Variants in DSPP observed in about 807,000 individuals in gnomAD.
DSPP encodes deafness, autosomal dominant 39.
Under a neutral mutation model 29.1 loss-of-function variants are expected in DSPP, and 28 were observed. The ratio of observed to expected loss-of-function variants is 0.96; its 90% CI spans 0.71 to 1.32. The LOEUF (loss-of-function observed/expected upper bound fraction) is 1.32. Among genes scored for constraint, DSPP ranks in the 40% most tolerant of loss-of-function variants. The pLI is 0.00. For missense variants in DSPP, 1,281 were observed against 1,629.9 expected (o/e 0.79, Z 3.69); for synonymous variants, 481 against 503.4 (o/e 0.96, Z 0.60).
rs766048949 is a variant in DSPP, at chr4:87,613,305, T to A, written c.1119T>A (p.Asp373Glu). The A allele has an allele frequency of 1.9e-6, 3 of 1,613,098 alleles. No individual in the cohort carries two copies. The highest frequency in any genetic ancestry group is 2.5e-6 in the Non-Finnish European group (3 of 1,179,984). The change falls in exon 4 of 5, where the codon GAT becomes GAA. Residue 373 changes from aspartate to glutamate, a missense_variant. Asp to Glu is a conservative substitution (Grantham distance 45, BLOSUM62 2). Coordinates refer to ENST00000651931, the MANE Select transcript of DSPP (RefSeq NM_014208.3). ...CACATGCTGTTGGGAAGAGCCAAGATAAGGTTAGTTTGTAAAGCTGATTTC... is the reference window on the plus strand; with the variant it reads ...CACATGCTGTTGGGAAGAGCCAAGAAAAGGTTAGTTTGTAAAGCTGATTTC... The part of the protein sequence containing the change: ...SETHAVGKSQ[D>E]KGIEIKGPSS...
At chr4:87,612,300 G>A (rs768766639) in intron 3 of DSPP, 22 bp from the exon 4 acceptor site, 2 of 1,613,460 alleles carry the variant, frequency 1.2e-6, no homozygotes, top group Non-Finnish European at 1.7e-6. Context: ...ACTTATAATT[G>A]ATTGAATTGT....
chr4:87,609,570 G>C (rs1553903815), intron 1 of DSPP, among the ~76,000 whole-genome samples: 1 of 152,126 alleles, frequency 6.6e-6, no homozygotes, highest in Non-Finnish European at 1.5e-5. Flanking sequence ...GCTTTCTGTT[G>C]AACAGCTATA....
In DSPP at chr4:87,614,323, G is replaced by A. The variant is rs1727806052; in HGVS notation, c.1661G>A (p.Ser554Asn). 6.2e-7 allele frequency: 1 copy of A among 1,611,946 alleles called. No individual in the cohort carries two copies. The highest frequency in any genetic ancestry group is 1.1e-5 in the South Asian group (1 of 90,794). The part of the protein sequence containing the change: ...KGKSDSSDSD[S>N]SDSSNSSDSS... ...AAATCAGATAGCAGTGACAGTGATA[G>A]TAGTGATAGCAGCAATAGCAGTGAT... Residue 554 changes from serine to asparagine, a missense_variant, in exon 5 of 5, where the codon AGT (serine) becomes AAT (asparagine). Around this residue, in one of 4 missense-constraint regions of DSPP, gnomAD observed 444 missense variants for 611.4 expected, o/e 0.73. Coordinates refer to ENST00000651931, the MANE Select transcript of DSPP (RefSeq NM_014208.3).
Position 87,612,400 on chromosome 4 carries a change from A to G in DSPP, c.214A>G (p.Thr72Ala), listed in dbSNP as rs755468936. The change falls in exon 4 of 5, where the codon ACC becomes GCC. Residue 72 changes from threonine to alanine, a missense_variant. Physicochemically the swap from Thr to Ala is moderately conservative, Grantham distance 58. Coordinates refer to ENST00000651931, the MANE Select transcript of DSPP (RefSeq NM_014208.3). Reference protein sequence around the residue: ...HEGDRGRQENTQDGHKGEGNG... With the variant: ...HEGDRGRQENAQDGHKGEGNG... ...AGGTGATAGAGGAAGGCAAGAGAAT[A>G]CCCAAGATGGTCACAAGGGAGAAGG... is the stretch of plus-strand genomic sequence containing the variant. 1 of 1,614,068 alleles carries G rather than the reference A, an allele frequency of 6.2e-7. No homozygotes were observed. Among genetic ancestry groups the G allele is most frequent in the East Asian group, 2.2e-5 (1 of 44,868 alleles).
At chr4:87,608,884 T>C (rs1467466191) in intron 1 of DSPP, among the ~76,000 whole-genome samples, 1 of 152,214 alleles carries the variant, frequency 6.6e-6, no homozygotes, top group Non-Finnish European at 1.5e-5. Context: ...ATTAACTATC[T>C]GGGCACTTTG....
rs187069861 is a variant in DSPP, at chr4:87,613,393, A to T, written c.1122+85A>T. The stretch of plus-strand genomic sequence containing the variant: ...GATGCTAGCACAAAAATAAACCATG[A>T]CAAGCATCCATGTATTTTTGTATCC... On this transcript the variant is annotated intron_variant, in intron 4 of 4. Transcript: ENST00000651931. 5.3e-4 allele frequency: 790 copies of T among 1,483,420 alleles called. 3 individuals are homozygous for T. In the African/African-American group the frequency reaches 0.01, roughly 19 times the overall value. 91.9% of individuals were successfully genotyped at this position (1,483,420 alleles called of 1,614,324 possible).
intron 2 of DSPP, among the ~76,000 whole-genome samples, 177 bp downstream of exon 2, chr4:87,611,136 C>T (rs1288503295): frequency 6.6e-6 from 1 of 150,580 alleles, no homozygotes; most frequent in Non-Finnish European, 1.5e-5. Flanking sequence ...TGAGTCTAAA[C>T]ATTTAGATTT....
chr4:87,610,529 CAATTTCAGCAG>C (rs1374031947), intron 1 of DSPP, among the ~76,000 whole-genome samples: 2 of 152,268 alleles, frequency 1.3e-5, no homozygotes, highest in African/African-American at 4.8e-5. Flanking sequence ...CTTTGAAGCA[CAATTTCAGCAG>C]AATTAGTTAG....
At position 87,614,285 on chromosome 4, in the gene DSPP, C is replaced by A; in HGVS notation, c.1623C>A (p.Asp541Glu). Residue 541 changes from aspartate (D) to glutamate (E), a missense_variant, in exon 5 of 5, where the codon GAC becomes GAA. Physicochemically the swap from Asp to Glu is conservative, Grantham distance 45. Transcript: ENST00000651931. Reference sequence around the variant, plus strand: ...GGAATGATGACAATGACAAATCAGACAGTGGCAAAGGTAAATCAGATAGCA... The same window carrying A: ...GGAATGATGACAATGACAAATCAGAAAGTGGCAAAGGTAAATCAGATAGCA... Reference protein sequence around the residue: ...NNGNDDNDKSDSGKGKSDSSD... With the variant: ...NNGNDDNDKSESGKGKSDSSD... 1.9e-6 allele frequency: 3 copies of A among 1,614,074 alleles called. No individual in the cohort carries two copies. Among genetic ancestry groups the A allele is most frequent in the Non-Finnish European group, 2.5e-6 (3 of 1,179,956 alleles).
At position 87,612,689 on chromosome 4, in the gene DSPP, G is replaced by C. The variant is rs772901532; in HGVS notation, c.503G>C (p.Gly168Ala). Reference sequence around the variant, plus strand: ...AAGAATACCCAAAATGGGGATGTTGGCGATGCAGGTCACAATGAGGATGTC... The same window carrying C: ...AAGAATACCCAAAATGGGGATGTTGCCGATGCAGGTCACAATGAGGATGTC... ...TDKNTQNGDVGDAGHNEDVAV... is the reference protein window; with the variant it reads ...TDKNTQNGDVADAGHNEDVAV... The change falls in exon 4 of 5, where the codon GGC becomes GCC. Residue 168 changes from glycine (G) to alanine (A), a missense_variant. Around this residue, in one of 4 missense-constraint regions of DSPP, gnomAD observed 631 missense variants for 643.2 expected, o/e 0.98. Transcript: ENST00000651931. 5 of 1,614,044 alleles carry C rather than the reference G, an allele frequency of 3.1e-6. No individual in the cohort carries two copies. The African/African-American group carries it at 6.7e-5, about 22-fold the overall frequency.
At position 87,614,228 on chromosome 4, in the gene DSPP, T is replaced by C; in HGVS notation, c.1566T>C (p.Asn522=). 1 of 1,614,192 alleles carries C rather than the reference T, an allele frequency of 6.2e-7. No homozygotes were observed. The highest frequency in any genetic ancestry group is 8.5e-7 in the Non-Finnish European group (1 of 1,180,042). ...ACAGTGATAGCACATCAGACACTAA[T>C]AATAGTGACAGTAATGGCAATGGTA... is the stretch of plus-strand genomic sequence containing the variant. The part of the protein sequence containing the change: ...DDDSDSTSDT[N]NSDSNGNGNN... The change falls in exon 5 of 5, where the codon AAT becomes AAC. Residue 522 remains asparagine, a synonymous_variant. Transcript: ENST00000651931.
chr4:87,612,045 G>A (rs897699739), intron 2 of DSPP, 60 bp from the exon 3 acceptor site: 65 of 1,322,962 alleles, frequency 4.9e-5, no homozygotes, highest in African/African-American at 8.9e-5. Context: ...GTGTGTGCAC[G>A]CTCACACACA....
intron 1 of DSPP, 86 bp from the exon 2 acceptor site, chr4:87,610,795 G>A: frequency 1.1e-6 from 1 of 903,096 alleles, no homozygotes; most frequent in Admixed American, 2.0e-5. Flanking sequence ...CAGGAAAAGG[G>A]CAAATGCTTA....
In DSPP at chr4:87,615,337, G is replaced by A. The variant is rs943748007; in HGVS notation, c.2675G>A (p.Ser892Asn). 8 of 1,525,328 alleles carry A rather than the reference G, an allele frequency of 5.2e-6. No individual in the cohort carries two copies. The African/African-American group carries it at 5.6e-5, about 11-fold the overall frequency. 94.5% of individuals were successfully genotyped at this position (1,525,328 alleles called of 1,614,324 possible). A position where few individuals can be genotyped will look rare whatever the true frequency, so the allele number is the denominator to read the frequency against. The change falls in exon 5 of 5, where the codon AGT (serine) becomes AAT (asparagine). Residue 892 changes from serine to asparagine, a missense_variant. Physicochemically the swap from Ser to Asn is conservative, Grantham distance 46. This residue lies in a region of DSPP where 444 missense variants were observed against 611.4 expected (regional missense o/e 0.73). Transcript: ENST00000651931. ...GACAGCAACGAAAGCAGCAATAGCA[G>A]TGACAGCAGTGATAGCAGCAACAGC... is the stretch of plus-strand genomic sequence containing the variant. ...SSDSNESSNS[S>N]DSSDSSNSSD...
At position 87,613,121 on chromosome 4, in the gene DSPP, A is replaced by T. The variant is rs967645324; in HGVS notation, c.935A>T (p.Asp312Val). Reference protein sequence around the residue: ...KEYYDPEGKEDPHNEVDGDKT... With the variant: ...KEYYDPEGKEVPHNEVDGDKT... ...TATTATGACCCTGAAGGCAAAGAAG[A>T]TCCCCATAATGAAGTTGATGGAGAC... The change falls in exon 4 of 5, where the codon GAT becomes GTT. Residue 312 changes from aspartate (D) to valine (V), a missense_variant. By Grantham distance (152) the Asp-to-Val change is radical. This residue lies in a region of DSPP where 631 missense variants were observed against 643.2 expected (regional missense o/e 0.98). Coordinates refer to ENST00000651931, the MANE Select transcript of DSPP (RefSeq NM_014208.3). 1.8e-5 allele frequency: 29 copies of T among 1,614,076 alleles called. No homozygotes were observed. Among genetic ancestry groups the T allele is most frequent in the Middle Eastern group, 1.6e-4 (1 of 6,084 alleles).
At position 87,612,011 on chromosome 4, in the gene DSPP, T is replaced by TTGTGTG. The variant is rs36228864; in HGVS notation, c.52-69_52-64dup. The TTGTGTG allele has an allele frequency of 1.2e-4, 131 of 1,068,776 alleles. No homozygotes were observed. In the African/African-American group the frequency reaches 1.3e-3, roughly 11 times the overall value. 66.2% of individuals were successfully genotyped at this position (1,068,776 alleles called of 1,614,324 possible). A position where few individuals can be genotyped will look rare whatever the true frequency, so the allele number is the denominator to read the frequency against. On this transcript the variant is annotated intron_variant, in intron 2 of 4. Transcript: ENST00000651931. ...TTCTTCTTCATGGAGGGAAGAATATTTGTGTGTGTGTGTGTGTGTGTGTGT... is the reference window on the plus strand; with the variant it reads ...TTCTTCTTCATGGAGGGAAGAATATTTGTGTGTGTGTGTGTGTGTGTGTGTGTGTGT...
chr4:87,614,521 G>A lies in DSPP; in HGVS notation c.1859G>A (p.Ser620Asn), dbSNP rs892844023. The change falls in exon 5 of 5, where the codon AGT (serine) becomes AAT (asparagine). Residue 620 changes from serine (S) to asparagine (N), a missense_variant. Around this residue, in one of 4 missense-constraint regions of DSPP, gnomAD observed 444 missense variants for 611.4 expected, o/e 0.73. Transcript: ENST00000651931. ...SSDSSDSSDS[S>N]DSKSDSSKSE... The stretch of plus-strand genomic sequence containing the variant: ...GACAGTAGTGATAGTAGTGACAGCA[G>A]TGACAGCAAGTCAGACAGCAGCAAA... 2 of 1,551,452 alleles carry A rather than the reference G, an allele frequency of 1.3e-6. No homozygotes were observed. Among genetic ancestry groups the A allele is most frequent in the East Asian group, 2.4e-5 (1 of 40,932 alleles).
In DSPP at chr4:87,615,221, C is replaced by T. The variant is rs751954791; in HGVS notation, c.2559C>T (p.Ser853=). The T allele has an allele frequency of 2.8e-5, 43 of 1,526,474 alleles. No homozygotes were observed. The African/African-American group carries it at 3.1e-4, about 11-fold the overall frequency. 94.6% of individuals were successfully genotyped at this position (1,526,474 alleles called of 1,614,324 possible). A position where few individuals can be genotyped will look rare whatever the true frequency, so the allele number is the denominator to read the frequency against. Residue 853 remains serine (S), a synonymous_variant, in exon 5 of 5, where the codon AGC becomes AGT. Transcript: ENST00000651931. ...DSSDSSDGSD[S]DSSNRSDSSN... is the part of the protein sequence containing the mutation. ...GCGATAGCAGTGACGGCAGTGATAG[C>T]GACAGCAGCAATAGAAGTGACAGTA...
At chr4:87,609,091 C>T (rs1727687463) in intron 1 of DSPP, among the ~76,000 whole-genome samples, 2 of 152,182 alleles carry the variant, frequency 1.3e-5, no homozygotes, top group Non-Finnish European at 2.9e-5. Flanking sequence ...AGCTAAATCT[C>T]ATTTCATTAG....
Sources: allele counts gnomAD v4.1 joint callset (sites outside exome capture counted in the v4.1 genomes callset), GRCh38; gene constraint gnomAD v4.1.1; regional missense constraint gnomAD v4.1.1; transcripts MANE v1.5; gene names NCBI Gene and HGNC (gene_info 2026-07-23, HGNC 2026-07-21).